PRKCQ: variants seen among roughly 807,000 people sequenced by gnomAD.
PRKCQ encodes the protein protein kinase C theta.
A neutral mutation model predicts 91.2 loss-of-function variants in PRKCQ; 41 were observed. The observed-to-expected ratio is 0.45, with a 90% CI of 0.35 to 0.58. The LOEUF is 0.58. Ranked by LOEUF, PRKCQ falls within the 20% of genes least tolerant of loss-of-function variation. PRKCQ has a pLI of 0.00. For synonymous variants in PRKCQ, 307 were observed against 316.9 expected (o/e 0.97, Z 0.33); for missense variants, 673 against 896.5 (o/e 0.75, Z 3.18).
chr10:6,570,060 A>G (rs542505256), intron 1 of PRKCQ, among the ~76,000 whole-genome samples: 4 of 150,462 alleles, frequency 2.7e-5, no homozygotes, highest in East Asian at 2.0e-4. Context: ...GGAAGGAAGG[A>G]AGGAAACATG....
rs1273594641 is a variant in PRKCQ at position 6,465,690 on chromosome 10, A to G, written c.1354-1286T>C. On this transcript the variant is annotated intron_variant, in intron 12 of 17. Coordinates refer to ENST00000263125, the MANE Select transcript of PRKCQ (RefSeq NM_006257.5). This position sits in a 1 kb window ranked among gnomAD's most constrained non-coding sequence, Gnocchi z 4.4. ...GCCGTGGGGCATAGGAGGTAATAGT[A>G]GAAACATTGTTCTGGTCTGACAGTG... Among the ~76,000 whole-genome samples, 1 of 152,240 alleles carries G rather than the reference A, an allele frequency of 6.6e-6. No individual in the cohort carries two copies. Among genetic ancestry groups the G allele is most frequent in the Non-Finnish European group, 1.5e-5 (1 of 68,038 alleles).
At chr10:6,533,470 T>TACAGGCACG (rs1839468914) in intron 1 of PRKCQ, among the ~76,000 whole-genome samples, 1 of 152,134 alleles carries the variant, frequency 6.6e-6, no homozygotes, top group Non-Finnish European at 1.5e-5. Context: ...GTGCTAGGAT[T>TACAGGCACG]ACAGGCACGA....
the PRKCQ span, among the ~76,000 whole-genome samples, chr10:6,406,719 T>C: frequency 1.3e-5 from 2 of 152,344 alleles, no homozygotes; most frequent in African/African-American, 4.8e-5. Flanking sequence ...TGGAGTAAGA[T>C]GTGCCGCCTG....
chr10:6,404,654 T>A, the PRKCQ span, among the ~76,000 whole-genome samples: 107 of 148,312 alleles, frequency 7.2e-4, 2 homozygotes, highest in Admixed American at 4.0e-4. Context: ...CTTTCCTTTT[T>A]TCTCTTTTTC....
chr10:6,562,502 T>C (rs1277127086), intron 1 of PRKCQ, among the ~76,000 whole-genome samples: 1 of 152,068 alleles, frequency 6.6e-6, no homozygotes, highest in East Asian at 1.9e-4. Context: ...GTGAGTGTTC[T>C]CTCCATTACT....
At chr10:6,462,226 C>A (rs886656733) in intron 14 of PRKCQ, 77 bp downstream of exon 14, 5 of 1,341,944 alleles carry the variant, frequency 3.7e-6, no homozygotes, top group Admixed American at 1.7e-5. Context: ...TGTCTCACAG[C>A]ACTCGGTGCA....
the PRKCQ span, among the ~76,000 whole-genome samples, chr10:6,413,382 C>T: frequency 1.3e-5 from 2 of 152,142 alleles, no homozygotes; most frequent in Non-Finnish European, 2.9e-5. Flanking sequence ...TATCTCCCTA[C>T]ATTCCCTGGG....
At chr10:6,474,557 T>C (rs1437936012) in intron 12 of PRKCQ, among the ~76,000 whole-genome samples, 1 of 152,196 alleles carries the variant, frequency 6.6e-6, no homozygotes, top group African/African-American at 2.4e-5. Flanking sequence ...TAGAAATAAA[T>C]CCTCTTATTT....
intron 1 of PRKCQ, among the ~76,000 whole-genome samples, chr10:6,538,412 G>C (rs1231617797): frequency 6.6e-6 from 1 of 152,280 alleles, no homozygotes; most frequent in Non-Finnish European, 1.5e-5. Context: ...AGCAGAGAGA[G>C]AGGAAACGTT....
In PRKCQ at chr10:6,430,135, G is replaced by A. The variant is rs555490184; in HGVS notation, c.1965+675C>T. The stretch of plus-strand genomic sequence containing the variant: ...TTTCCAAAGTGCTGGGATTACAGGC[G>A]TGAGCCACCATGCCCAGCCCAACCT... On this transcript the variant is annotated intron_variant, in intron 17 of 17. Coordinates refer to ENST00000263125, the MANE Select transcript of PRKCQ (RefSeq NM_006257.5). This position sits in a 1 kb window ranked among gnomAD's most constrained non-coding sequence, Gnocchi z 4.7. 3.3e-5 allele frequency among the ~76,000 whole-genome samples: 5 copies of A among 152,310 alleles called. No homozygotes were observed. The highest frequency in any genetic ancestry group is 1.9e-4 in the East Asian group (1 of 5,188).
the PRKCQ span, among the ~76,000 whole-genome samples, chr10:6,419,240 T>C: frequency 1.3e-5 from 2 of 151,908 alleles, no homozygotes; most frequent in Admixed American, 6.6e-5. Context: ...AATCTATTTA[T>C]GTGTGTGTAC....
intron 1 of PRKCQ, among the ~76,000 whole-genome samples, chr10:6,577,281 C>T (rs1841277981): frequency 6.6e-6 from 1 of 152,124 alleles, no homozygotes. Context: ...AAATGCTTGG[C>T]ATGTTAAAAT....
intron 1 of PRKCQ, among the ~76,000 whole-genome samples, chr10:6,548,791 A>G (rs1840072815): frequency 6.6e-6 from 1 of 151,808 alleles, no homozygotes; most frequent in Admixed American, 6.6e-5. Flanking sequence ...CTAAATGACC[A>G]GTTAATGGGT....
chr10:6,453,386 G>A (rs993139763), intron 15 of PRKCQ, among the ~76,000 whole-genome samples: 1 of 152,158 alleles, frequency 6.6e-6, no homozygotes, highest in Non-Finnish European at 1.5e-5. Flanking sequence ...TCTCACACCA[G>A]TTAGAATGGC....
chr10:6,406,696 A>G, the PRKCQ span, among the ~76,000 whole-genome samples: 1 of 152,196 alleles, frequency 6.6e-6, no homozygotes, highest in Non-Finnish European at 1.5e-5. Context: ...ATCTTATGAT[A>G]ATATGTTCAT....
At chr10:6,489,622 G>A (rs549771735) in intron 8 of PRKCQ, 6 of 389,270 alleles carry the variant, frequency 1.5e-5, no homozygotes, top group South Asian at 3.9e-5. Flanking sequence ...GGGGGCATGC[G>A]GGGTGAGCGG....
chr10:6,461,300 C>A (rs561320708), intron 14 of PRKCQ, among the ~76,000 whole-genome samples: 2 of 152,244 alleles, frequency 1.3e-5, no homozygotes, highest in Non-Finnish European at 2.9e-5. Flanking sequence ...ATCTATCCAT[C>A]CACCCCACAC....
chr10:6,420,595 T>G, the PRKCQ span, among the ~76,000 whole-genome samples: 1 of 152,256 alleles, frequency 6.6e-6, no homozygotes, highest in Non-Finnish European at 1.5e-5. Flanking sequence ...ATAATTTTTT[T>G]GAGAAATTGG....
chr10:6,501,370 A>T (rs1348900595), intron 4 of PRKCQ, among the ~76,000 whole-genome samples: 1 of 152,086 alleles, frequency 6.6e-6, no homozygotes, highest in Non-Finnish European at 1.5e-5. Flanking sequence ...AGAGAGAAGG[A>T]AGAGTTGAGG....
Sources: allele counts gnomAD v4.1 joint callset (sites outside exome capture counted in the v4.1 genomes callset), GRCh38; gene constraint gnomAD v4.1.1; non-coding constraint Gnocchi (gnomAD v3.1); transcripts MANE v1.5; gene names NCBI Gene and HGNC (gene_info 2026-07-23, HGNC 2026-07-21).